Variants in TAX1BP1 observed in about 807,000 individuals in gnomAD.
TAX1BP1 encodes Tax1 binding protein 1.
TAX1BP1 carries 62 observed loss-of-function variants against 97.7 expected under a neutral mutation model. The ratio of observed to expected loss-of-function variants is 0.63; its 90% CI spans 0.52 to 0.78. TAX1BP1 has a LOEUF of 0.78. Ranked by LOEUF, TAX1BP1 falls within the 30% of genes least tolerant of loss-of-function variation. TAX1BP1 has a pLI of 0.00. For missense variants in TAX1BP1, 867 were observed against 916.1 expected, an observed-to-expected ratio of 0.95 and a Z score of 0.69; for synonymous variants, 340 against 304.2, an observed-to-expected ratio of 1.12 and a Z score of -1.23.
intron 13 of TAX1BP1, among the ~76,000 whole-genome samples, chr7:27,803,671 G>T (rs182947909): frequency 6.6e-6 from 1 of 151,764 alleles, no homozygotes; most frequent in East Asian, 1.9e-4. Context: ...ACCACCATGT[G>T]CTCACAGTAG....
chr7:27,771,837 A>T (rs984863109), intron 5 of TAX1BP1: 6 of 152,064 alleles, frequency 3.9e-5, no homozygotes, highest in African/African-American at 1.4e-4. Context: ...ATAGAAAAAA[A>T]TTGACAAAGG....
chr7:27,803,761 A>C (rs1790230808), intron 13 of TAX1BP1, among the ~76,000 whole-genome samples: 1 of 152,234 alleles, frequency 6.6e-6, no homozygotes, highest in South Asian at 2.1e-4. Flanking sequence ...CCTTGGGTAC[A>C]TGTCTTTTTA....
chr7:27,751,345 T>C (rs1788013429), intron 2 of TAX1BP1, among the ~76,000 whole-genome samples: 1 of 152,188 alleles, frequency 6.6e-6, no homozygotes, highest in East Asian at 1.9e-4. Context: ...TTACCTACTG[T>C]TAACTATTGT....
Position 27,827,824 on chromosome 7 carries a change from G to A in TAX1BP1, c.2168+4G>A. On this transcript the variant is annotated splice_donor_region_variant and intron_variant, in intron 16 of 16. Transcript: ENST00000396319. ...CAGGCTTTTGCTTTGATTCCAGGTA[G>A]TTTTCTTCTTTACTTTGTAGAATTT... 6.2e-7 allele frequency: 1 copy of A among 1,612,922 alleles called. No homozygotes were observed. The highest frequency in any genetic ancestry group is 8.5e-7 in the Non-Finnish European group (1 of 1,179,442).
At chr7:27,756,180 C>T (rs1393848721) in intron 2 of TAX1BP1, among the ~76,000 whole-genome samples, 1 of 152,174 alleles carries the variant, frequency 6.6e-6, no homozygotes, top group East Asian at 1.9e-4. Context: ...TTTTGTGTTC[C>T]TTCCAGTATT....
At chr7:27,795,943 A>G (rs371997948) in intron 11 of TAX1BP1, among the ~76,000 whole-genome samples, 173 bp from the exon 12 acceptor site, 1 of 152,192 alleles carries the variant, frequency 6.6e-6, no homozygotes, top group Non-Finnish European at 1.5e-5. Context: ...ACAATTCTCA[A>G]CTAGAGTTTA....
At chr7:27,807,189 A>C (rs1313113337) in intron 13 of TAX1BP1, among the ~76,000 whole-genome samples, 3 of 152,168 alleles carry the variant, frequency 2.0e-5, no homozygotes, top group Non-Finnish European at 4.4e-5. Context: ...CTGGAGGTGA[A>C]GACATAACAG....
chr7:27,742,758 A>C (rs553776795), intron 1 of TAX1BP1, among the ~76,000 whole-genome samples: 10 of 152,204 alleles, frequency 6.6e-5, no homozygotes, highest in South Asian at 2.1e-4. Context: ...GAGCCACCGC[A>C]CCCAGCCCAT....
intron 15 of TAX1BP1, among the ~76,000 whole-genome samples, chr7:27,826,542 G>A (rs867187437): frequency 6.6e-6 from 1 of 152,136 alleles, no homozygotes; most frequent in African/African-American, 2.4e-5. Context: ...TGCCGGCTGC[G>A]CTTGGGGATA....
At chr7:27,791,244 T>G (rs1203604681) in intron 8 of TAX1BP1, among the ~76,000 whole-genome samples, 1 of 152,112 alleles carries the variant, frequency 6.6e-6, no homozygotes, top group East Asian at 1.9e-4. Context: ...AAACCAATAT[T>G]GGGTTGCATT....
chr7:27,743,254 T>C (rs2128305744), intron 1 of TAX1BP1, among the ~76,000 whole-genome samples: 1 of 152,346 alleles, frequency 6.6e-6, no homozygotes, highest in East Asian at 1.9e-4. Context: ...TGTTGCCTCC[T>C]AGAAAAATTG....
intron 15 of TAX1BP1, among the ~76,000 whole-genome samples, chr7:27,820,973 C>T (rs779683334): frequency 6.6e-6 from 1 of 152,186 alleles, no homozygotes; most frequent in Non-Finnish European, 1.5e-5. Context: ...AATCCAAAGT[C>T]CACAGTGCTT....
At position 27,758,064 on chromosome 7, in the gene TAX1BP1, T is replaced by G. The variant is rs1160655633; in HGVS notation, c.196T>G (p.Phe66Val). ...GAGTACTGCTCGTGATTATTACACG[T>G]TTTTATGGTCCCCTATGCCTGAACA... The part of the protein sequence containing the change: ...GWSTARDYYT[F>V]LWSPMPEHYV... Residue 66 changes from phenylalanine (F) to valine (V), a missense_variant, in exon 3 of 17, where the codon TTT (phenylalanine) becomes GTT (valine). Transcript: ENST00000396319. The G allele has an allele frequency of 1.2e-6, 2 of 1,612,186 alleles. No homozygotes were observed. Among genetic ancestry groups the G allele is most frequent in the Non-Finnish European group, 1.7e-6 (2 of 1,179,106 alleles).
intron 11 of TAX1BP1, 124 bp downstream of exon 11, chr7:27,794,570 G>T: frequency 9.8e-7 from 1 of 1,024,632 alleles, no homozygotes; most frequent in Non-Finnish European, 1.4e-6. Context: ...TGAAGGAATT[G>T]AGGCAACAAG....
At chr7:27,766,686 C>T (rs1408198552) in intron 4 of TAX1BP1, among the ~76,000 whole-genome samples, 9 of 151,962 alleles carry the variant, frequency 5.9e-5, no homozygotes, top group Admixed American at 5.9e-4. Context: ...TTTGTGGTGG[C>T]GTAATCAGTT....
At chr7:27,827,615 A>G (rs1231715458) in intron 15 of TAX1BP1, 123 bp from the exon 16 acceptor site, 2 of 703,484 alleles carry the variant, frequency 2.8e-6, no homozygotes, top group African/African-American at 1.8e-5. Flanking sequence ...ATTAAATGAT[A>G]GCAGAGAGAA....
chr7:27,784,297 T>C (rs1789382146), intron 5 of TAX1BP1, among the ~76,000 whole-genome samples: 2 of 152,188 alleles, frequency 1.3e-5, no homozygotes, highest in Non-Finnish European at 2.9e-5. Context: ...TATAGTTTTC[T>C]ATAACAAAGC....
chr7:27,760,674 A>G (rs986500621), intron 3 of TAX1BP1, among the ~76,000 whole-genome samples: 1 of 152,190 alleles, frequency 6.6e-6, no homozygotes, highest in African/African-American at 2.4e-5. Context: ...AATTACAGGC[A>G]TGAGCCGCCG....
intron 8 of TAX1BP1, among the ~76,000 whole-genome samples, chr7:27,790,142 A>T (rs1045196830): frequency 2.0e-5 from 3 of 152,014 alleles, no homozygotes; most frequent in African/African-American, 7.2e-5. Flanking sequence ...TTTATATTTT[A>T]ACACAAATTA....
Sources: allele counts gnomAD v4.1 joint callset (sites outside exome capture counted in the v4.1 genomes callset), GRCh38; gene constraint gnomAD v4.1.1; transcripts MANE v1.5; gene names NCBI Gene and HGNC (gene_info 2026-07-23, HGNC 2026-07-21).